Variants in TRIM42 observed in about 807,000 individuals in gnomAD.
The protein encoded by TRIM42 is tripartite motif containing 42.
In TRIM42, 59 loss-of-function variants were observed where a neutral mutation model predicts 64.9. That is an observed-to-expected ratio of 0.91 (90% CI 0.74 to 1.13). TRIM42 has a LOEUF of 1.13. Among genes scored for constraint, TRIM42 ranks in the 50% most tolerant of loss-of-function variants. The pLI, the probability that TRIM42 is intolerant of heterozygous loss-of-function variation, is 0.00. For missense variants in TRIM42, 878 were observed against 929.5 expected, an observed-to-expected ratio of 0.94 and a Z score of 0.72; for synonymous variants, 354 against 346.3, an observed-to-expected ratio of 1.02 and a Z score of -0.25.
At chr3:140,700,025 C>T (rs557728927) in intron 4 of TRIM42, among the ~76,000 whole-genome samples, 11 of 152,280 alleles carry the variant, frequency 7.2e-5, no homozygotes, top group Admixed American at 2.0e-4. Flanking sequence ...TATCTCAAGT[C>T]CTCATTCACC....
chr3:140,679,067 T>C (rs1398270325), intron 1 of TRIM42, among the ~76,000 whole-genome samples: 3 of 148,302 alleles, frequency 2.0e-5, no homozygotes, highest in South Asian at 2.2e-4. Flanking sequence ...CCCCCCATGA[T>C]ATTGTAGATA....
rs367743078 is a variant in TRIM42, at chr3:140,680,647, C to T, written c.342-1815C>T. On this transcript the variant is annotated intron_variant, in intron 1 of 4. Coordinates refer to ENST00000286349, the MANE Select transcript of TRIM42 (RefSeq NM_152616.5). ...ATCCAGGCACTACATGGACAATTAACCTGTACCACCAGGTGATCCCTTCAG... is the reference window on the plus strand; with the variant it reads ...ATCCAGGCACTACATGGACAATTAATCTGTACCACCAGGTGATCCCTTCAG... 6.1e-6 allele frequency: 6 copies of T among 984,912 alleles called. No individual in the cohort carries two copies. In the African/African-American group the frequency reaches 1.0e-4, roughly 17 times the overall value. The allele number at this position is 984,912 out of a possible 1,614,324, so 61.0% of individuals were successfully genotyped here.
intron 4 of TRIM42, among the ~76,000 whole-genome samples, chr3:140,699,777 C>T (rs560635152): frequency 1.3e-5 from 2 of 152,302 alleles, no homozygotes; most frequent in Middle Eastern, 6.8e-3. Context: ...CATTTCTACT[C>T]AGCAATGGAT....
In TRIM42 at chr3:140,688,664, T is replaced by A. The variant is rs942310773; in HGVS notation, c.1860+122T>A. The A allele has an allele frequency of 8.9e-5, 64 of 718,032 alleles. No homozygotes were observed. The Middle Eastern group carries it at 1.0e-3, about 12-fold the overall frequency. The allele number at this position is 718,032 out of a possible 1,614,324, so 44.5% of individuals were successfully genotyped here. A position where few individuals can be genotyped will look rare whatever the true frequency, so the allele number is the denominator to read the frequency against. ...CTAGGATCTGGTCACTCATATCTGC[T>A]CCTCTAGACTCTTTGTGGTCATCCC... is the stretch of plus-strand genomic sequence containing the variant. On this transcript the variant is annotated intron_variant, in intron 3 of 4. Coordinates refer to ENST00000286349, the MANE Select transcript of TRIM42 (RefSeq NM_152616.5).
chr3:140,678,172 A>T lies in TRIM42; in HGVS notation c.-58A>T, dbSNP rs1486779122. Reference sequence around the variant, plus strand: ...CCTCCACTGGAGAACTGATAGCAGTATTCTGGTAGAGGAGGCATCAAGAGT... The same window carrying T: ...CCTCCACTGGAGAACTGATAGCAGTTTTCTGGTAGAGGAGGCATCAAGAGT... On this transcript the variant is annotated 5_prime_UTR_variant, in exon 1 of 5. Transcript: ENST00000286349. The T allele has an allele frequency of 4.2e-6, 6 of 1,444,350 alleles. No homozygotes were observed. In the East Asian group the frequency reaches 1.4e-4, roughly 33 times the overall value. The allele number at this position is 1,444,350 out of a possible 1,614,324, so 89.5% of individuals were successfully genotyped here. A position where few individuals can be genotyped will look rare whatever the true frequency, so the allele number is the denominator to read the frequency against.
Position 140,678,327 on chromosome 3 carries a change from C to T in TRIM42, c.98C>T (p.Ser33Leu), listed in dbSNP as rs753277062. 6.2e-7 allele frequency: 1 copy of T among 1,614,218 alleles called. No individual in the cohort carries two copies. ...CTGTGCTGCAAGTTCATCTTCACCT[C>T]AGAGCGGAACTGCACCTGCTTCCCC... ...SCLCCKFIFT[S>L]ERNCTCFPCP... Residue 33 changes from serine (S) to leucine (L), a missense_variant, in exon 1 of 5, where the codon TCA becomes TTA. Physicochemically the swap from Ser to Leu is moderately radical, Grantham distance 145 (BLOSUM62 -2). Transcript: ENST00000286349.
intron 1 of TRIM42, among the ~76,000 whole-genome samples, chr3:140,678,924 A>G (rs902777642): frequency 3.3e-5 from 5 of 152,140 alleles, no homozygotes; most frequent in African/African-American, 1.2e-4. Flanking sequence ...CACTGTTTCC[A>G]TGAGGAAACT....
At chr3:140,688,656 A>G (rs889639663) in intron 3 of TRIM42, 114 bp downstream of exon 3, 10 of 790,154 alleles carry the variant, frequency 1.3e-5, no homozygotes, top group Non-Finnish European at 2.0e-5. Context: ...CTGGTCACTC[A>G]TATCTGCTCC....
Position 140,700,921 on chromosome 3 carries a change from G to A in TRIM42, c.2119G>A (p.Ala707Thr). Residue 707 changes from alanine (A) to threonine (T), a missense_variant, in exon 5 of 5, where the codon GCT (alanine) becomes ACT (threonine). Ala to Thr is a moderately conservative substitution (Grantham distance 58, BLOSUM62 0). Coordinates refer to ENST00000286349, the MANE Select transcript of TRIM42 (RefSeq NM_152616.5). ...ACCAGATGGACATGGGAAGAACCGA[G>A]CTAAGTGGGGCCTGCTGAAGAATAT... Reference protein sequence around the residue: ...VTPDGHGKNRAKWGLLKNIQS... With the variant: ...VTPDGHGKNRTKWGLLKNIQS... 6.2e-7 allele frequency: 1 copy of A among 1,614,154 alleles called. No homozygotes were observed.
chr3:140,688,104 C>T lies in TRIM42; in HGVS notation c.1422C>T (p.Tyr474=), dbSNP rs780922007. The T allele has an allele frequency of 2.9e-5, 46 of 1,613,914 alleles. No individual in the cohort carries two copies. The highest frequency in any genetic ancestry group is 7.7e-5 in the South Asian group (7 of 91,078). The change falls in exon 3 of 5, where the codon TAC becomes TAT. Residue 474 remains tyrosine, a synonymous_variant. Coordinates refer to ENST00000286349, the MANE Select transcript of TRIM42 (RefSeq NM_152616.5). The part of the protein sequence containing the change: ...DPQLRLHSIN[Y]VPLDFVELSS... ...AGCTCCGGCTGCACTCAATAAACTA[C>T]GTGCCCTTGGACTTTGTTGAGCTTT...
intron 1 of TRIM42, among the ~76,000 whole-genome samples, chr3:140,680,205 G>C (rs986422044): frequency 4.6e-5 from 7 of 152,036 alleles, no homozygotes; most frequent in Non-Finnish European, 7.4e-5. Context: ...TTTGGAGGAT[G>C]GGCAGGGATG....
At chr3:140,691,270 G>A in intron 4 of TRIM42, 78 bp downstream of exon 4, 1 of 1,219,314 alleles carries the variant, frequency 8.2e-7, no homozygotes, top group South Asian at 1.3e-5. Flanking sequence ...AGATGATCGT[G>A]AGATTATAGA....
intron 4 of TRIM42, among the ~76,000 whole-genome samples, chr3:140,692,562 C>CACACACACACACACACACAG (rs375439126): frequency 0.029 from 3,342 of 113,864 alleles, 131 homozygotes; most frequent in Non-Finnish European, 0.041. Context: ...CACACACACA[C>CACACACACACACACACACAG]AGAGAGAGAT....
At chr3:140,692,722 G>A (rs1308843289) in intron 4 of TRIM42, among the ~76,000 whole-genome samples, 1 of 152,130 alleles carries the variant, frequency 6.6e-6, no homozygotes, top group East Asian at 1.9e-4. Context: ...CTTCTCTTCA[G>A]AGCATGGAAT....
At chr3:140,695,534 G>A (rs918755633) in intron 4 of TRIM42, among the ~76,000 whole-genome samples, 3 of 152,138 alleles carry the variant, frequency 2.0e-5, no homozygotes, top group African/African-American at 7.2e-5. Context: ...GCCCTTCTCA[G>A]TCTGCACTGA....
Position 140,682,929 on chromosome 3 carries a change from T to C in TRIM42, c.809T>C (p.Val270Ala). The part of the protein sequence containing the change: ...NDCLKAFHSD[V>A]AMQDHVFVDT... Reference sequence around the variant, plus strand: ...TGCCTCAAGGCCTTCCACTCGGATGTGGCCATGCAAGACCACGTCTTTGTG... The same window carrying C: ...TGCCTCAAGGCCTTCCACTCGGATGCGGCCATGCAAGACCACGTCTTTGTG... The change falls in exon 2 of 5, where the codon GTG becomes GCG. Residue 270 changes from valine (V) to alanine (A), a missense_variant. Physicochemically the swap from Val to Ala is moderately conservative, Grantham distance 64 (BLOSUM62 0). Coordinates refer to ENST00000286349, the MANE Select transcript of TRIM42 (RefSeq NM_152616.5). The C allele has an allele frequency of 6.2e-7, 1 of 1,614,238 alleles. No homozygotes were observed.
At chr3:140,678,635 T>G in intron 1 of TRIM42, 65 bp downstream of exon 1, 1 of 1,401,340 alleles carries the variant, frequency 7.1e-7, no homozygotes, top group South Asian at 1.3e-5. Flanking sequence ...ACTTGCCAGC[T>G]GTGAAGTCTA....
chr3:140,686,735 T>C (rs553120497), intron 2 of TRIM42, among the ~76,000 whole-genome samples: 5 of 152,228 alleles, frequency 3.3e-5, no homozygotes, highest in Admixed American at 6.5e-5. Flanking sequence ...AGTTTACCTT[T>C]CATGAGAAGA....
At chr3:140,683,923 G>C (rs1186949096) in intron 2 of TRIM42, among the ~76,000 whole-genome samples, 1 of 152,164 alleles carries the variant, frequency 6.6e-6, no homozygotes, top group Non-Finnish European at 1.5e-5. Flanking sequence ...GTATTTCACA[G>C]GATTCAGCAA....
Sources: gnomAD v4.1 joint callset for allele counts (sites outside exome capture counted in the v4.1 genomes callset) on GRCh38, gnomAD v4.1.1 for gene constraint, MANE v1.5 for transcripts, NCBI Gene and HGNC (gene_info 2026-07-23, HGNC 2026-07-21) for gene names.